The following CAB39L variants were observed in gnomAD, a reference collection of about 807,000 sequenced individuals.
CAB39L encodes the protein calcium binding protein 39 like, also known as calcium-binding protein 39-like.
A neutral mutation model predicts 39.1 loss-of-function variants in CAB39L; 23 were observed. That is an observed-to-expected ratio of 0.59 (90% confidence interval 0.42 to 0.83). The LOEUF (loss-of-function observed/expected upper bound fraction) is 0.83. Among genes scored for constraint, CAB39L ranks in the 40% least tolerant of loss-of-function variants. The pLI, the probability that CAB39L is intolerant of heterozygous loss-of-function variation, is 0.00. For synonymous variants in CAB39L, 126 were observed against 137.2 expected (o/e 0.92, Z 0.57); for missense variants, 366 against 391.9 (o/e 0.93, Z 0.56).
chr13:49,394,233 A>T (rs1956555768), intron 3 of CAB39L, among the ~76,000 whole-genome samples: 1 of 152,038 alleles, frequency 6.6e-6, no homozygotes. Flanking sequence ...CATTAAGGAA[A>T]CATACAGATA....
At chr13:49,369,794 G>T (rs943355246) in intron 5 of CAB39L, among the ~76,000 whole-genome samples, 4 of 152,112 alleles carry the variant, frequency 2.6e-5, no homozygotes, top group African/African-American at 9.6e-5. Flanking sequence ...CACCATGTTG[G>T]CCAGGATGGT....
chr13:49,333,998 TC>T (rs1394595383), intron 9 of CAB39L, among the ~76,000 whole-genome samples: 1 of 152,170 alleles, frequency 6.6e-6, no homozygotes. Context: ...GCTGCCCTCC[TC>T]CGGTTGGGAA....
At chr13:49,343,778 G>A (rs1265534168) in intron 8 of CAB39L, among the ~76,000 whole-genome samples, 1 of 152,164 alleles carries the variant, frequency 6.6e-6, no homozygotes, top group Non-Finnish European at 1.5e-5. Flanking sequence ...TGTCAGGGAA[G>A]GGAGTTGCAA....
chr13:49,353,281 G>A lies in CAB39L; in HGVS notation c.396-2369C>T, dbSNP rs551951036. ...CAGGTGGGGTTTTATTAAAGATGTT[G>A]TAAAGAGGGGTATATGTTCTGAAAT... On this transcript the variant is annotated intron_variant, in intron 6 of 10. Coordinates refer to ENST00000409308, the MANE Select transcript of CAB39L (RefSeq NM_001079670.3). Among the ~76,000 whole-genome samples the A allele has an allele frequency of 5.9e-5, 9 of 152,260 alleles. No homozygotes were observed. In the South Asian group the frequency reaches 1.9e-3, roughly 32 times the overall value.
At chr13:49,334,547 G>A (rs765056933) in intron 9 of CAB39L, among the ~76,000 whole-genome samples, 2 of 152,126 alleles carry the variant, frequency 1.3e-5, no homozygotes, top group Non-Finnish European at 2.9e-5. Flanking sequence ...CTCAGACATC[G>A]TCTTCGGGAA....
chr13:49,369,131 T>C (rs560625425), intron 5 of CAB39L, among the ~76,000 whole-genome samples: 1 of 152,288 alleles, frequency 6.6e-6, no homozygotes, highest in South Asian at 2.1e-4. Context: ...CAATGAGATA[T>C]CACAAACCCT....
chr13:49,310,809 G>T lies in CAB39L; in HGVS notation c.*5C>A. 6.2e-7 allele frequency: 1 copy of T among 1,613,264 alleles called. No homozygotes were observed. The highest frequency in any genetic ancestry group is 1.1e-5 in the South Asian group (1 of 91,048). On this transcript the variant is annotated 3_prime_UTR_variant, in exon 11 of 11. Transcript: ENST00000409308. ...GACTGACTGTGACAGGGGCCGGGGA[G>T]CTCTTCAAGGGGCCGTTTTCTTCAA...
intron 3 of CAB39L, among the ~76,000 whole-genome samples, chr13:49,400,073 G>T (rs1664053597): frequency 6.6e-6 from 1 of 152,006 alleles, no homozygotes; most frequent in South Asian, 2.1e-4. Context: ...GGTCTATCTA[G>T]GGTACAAGCC....
At chr13:49,424,320 C>G (rs1957214315) in intron 3 of CAB39L, among the ~76,000 whole-genome samples, 1 of 152,144 alleles carries the variant, frequency 6.6e-6, no homozygotes, top group Non-Finnish European at 1.5e-5. Context: ...AACTCGTAAC[C>G]CCAGTCTAAT....
chr13:49,443,260 TC>T (rs1316390746), intron 1 of CAB39L, among the ~76,000 whole-genome samples: 1 of 151,920 alleles, frequency 6.6e-6, no homozygotes, highest in Non-Finnish European at 1.5e-5. Flanking sequence ...CATATCGTTA[TC>T]GGGGAAATCA....
At chr13:49,371,569 G>T (rs1955919958) in intron 5 of CAB39L, among the ~76,000 whole-genome samples, 1 of 152,050 alleles carries the variant, frequency 6.6e-6, no homozygotes, top group Non-Finnish European at 1.5e-5. Context: ...ATGAAAAGTG[G>T]AAAAGTTGAT....
At chr13:49,402,540 C>T (rs961105530) in intron 3 of CAB39L, among the ~76,000 whole-genome samples, 15 of 152,120 alleles carry the variant, frequency 9.9e-5, no homozygotes, top group Middle Eastern at 3.2e-3. Flanking sequence ...CTTCTACTGA[C>T]GGATCTTCCA....
intron 6 of CAB39L, among the ~76,000 whole-genome samples, chr13:49,356,854 T>G (rs1277405046): frequency 2.6e-5 from 4 of 151,954 alleles, no homozygotes; most frequent in Non-Finnish European, 4.4e-5. Context: ...CACAAGACCA[T>G]CTGGCTAACA....
intron 6 of CAB39L, among the ~76,000 whole-genome samples, chr13:49,355,332 T>C (rs1462866584): frequency 6.6e-6 from 1 of 152,070 alleles, no homozygotes; most frequent in African/African-American, 2.4e-5. Flanking sequence ...TAGTGAGCTG[T>C]GATCACAGCA....
intron 3 of CAB39L, among the ~76,000 whole-genome samples, chr13:49,390,748 A>G (rs1306232043): frequency 6.6e-6 from 1 of 152,214 alleles, no homozygotes; most frequent in Non-Finnish European, 1.5e-5. Context: ...GTAGAAGGGT[A>G]TAGAATTGAA....
intron 5 of CAB39L, among the ~76,000 whole-genome samples, chr13:49,374,224 A>G (rs1001936256): frequency 3.3e-5 from 5 of 152,222 alleles, no homozygotes; most frequent in Non-Finnish European, 5.9e-5. Context: ...AGAATTGCCT[A>G]TCTTATTATC....
intron 6 of CAB39L, among the ~76,000 whole-genome samples, chr13:49,353,997 G>A (rs771691094): frequency 7.2e-5 from 11 of 152,128 alleles, no homozygotes; most frequent in East Asian, 1.9e-4. Flanking sequence ...AAACTCTGAC[G>A]TATACAAAAT....
At chr13:49,393,970 A>G (rs1956546920) in intron 3 of CAB39L, among the ~76,000 whole-genome samples, 1 of 152,022 alleles carries the variant, frequency 6.6e-6, no homozygotes, top group Non-Finnish European at 1.5e-5. Context: ...AGATGTTAAT[A>G]TAAGTGACTT....
intron 1 of CAB39L, among the ~76,000 whole-genome samples, chr13:49,435,178 G>T (rs1957389444): frequency 6.6e-6 from 1 of 152,130 alleles, no homozygotes; most frequent in Admixed American, 6.5e-5. Context: ...GACCTCTATG[G>T]AAAGACGGTG....
Sources: allele counts gnomAD v4.1 joint callset (sites outside exome capture counted in the v4.1 genomes callset), GRCh38; gene constraint gnomAD v4.1.1; transcripts MANE v1.5; gene names NCBI Gene and HGNC (gene_info 2026-07-23, HGNC 2026-07-21).